Variants in LUC7L observed in about 807,000 individuals in gnomAD.
The protein encoded by LUC7L is LUC7 like, also known as putative RNA-binding protein Luc7-like 1.
Under a neutral mutation model 51.1 loss-of-function variants are expected in LUC7L, and 29 were observed. That is an observed-to-expected ratio of 0.57 (90% confidence interval 0.42 to 0.77). The LOEUF (loss-of-function observed/expected upper bound fraction) is 0.77. Ranked by LOEUF, LUC7L falls within the 30% of genes least tolerant of loss-of-function variation. The pLI is 0.00. For missense variants in LUC7L, 403 were observed against 511.9 expected, an observed-to-expected ratio of 0.79 and a Z score of 2.05; for synonymous variants, 181 against 180.7, an observed-to-expected ratio of 1.00 and a Z score of -0.01.
rs561380369 is a variant in LUC7L, at chr16:207,679, G to A, written c.366+399C>T. The stretch of plus-strand genomic sequence containing the variant: ...ATCCTTAACTGGAGTAAGGCAGAGA[G>A]TACTGTCCACACAATCAGTGCTGAG... On this transcript the variant is annotated intron_variant, in intron 4 of 9. Transcript: ENST00000293872. 2.6e-5 allele frequency among the ~76,000 whole-genome samples: 4 copies of A among 152,326 alleles called. No individual in the cohort carries two copies. In the South Asian group the frequency reaches 8.3e-4, roughly 32 times the overall value.
chr16:194,483 A>T (rs2049098909), intron 6 of LUC7L, among the ~76,000 whole-genome samples: 2 of 152,202 alleles, frequency 1.3e-5, no homozygotes, highest in Non-Finnish European at 2.9e-5. Context: ...AATTGATCAC[A>T]TTGTTTCAAA....
chr16:193,225 T>C (rs1338392097), intron 6 of LUC7L, among the ~76,000 whole-genome samples: 176 of 151,818 alleles, frequency 1.2e-3, no homozygotes, highest in African/African-American at 4.1e-3. Flanking sequence ...CTCGGCTCAC[T>C]GCAACTTCCA....
At chr16:201,943 C>T (rs2049345415) in intron 5 of LUC7L, among the ~76,000 whole-genome samples, 1 of 151,892 alleles carries the variant, frequency 6.6e-6, no homozygotes, top group African/African-American at 2.4e-5. Flanking sequence ...GGGGTTTCAC[C>T]AAGTTGGCCA....
At chr16:192,113 C>T (rs573860224) in intron 7 of LUC7L, among the ~76,000 whole-genome samples, 3 of 152,196 alleles carry the variant, frequency 2.0e-5, no homozygotes, top group Admixed American at 6.6e-5. Context: ...GCAGCAACTC[C>T]GGGCCAGAAA....
At chr16:193,583 G>C (rs2049070428) in intron 6 of LUC7L, among the ~76,000 whole-genome samples, 1 of 151,854 alleles carries the variant, frequency 6.6e-6, no homozygotes, top group African/African-American at 2.4e-5. Flanking sequence ...TGAAGCCTCT[G>C]CCTCCTGGGT....
At chr16:189,799 A>C in intron 9 of LUC7L, 169 bp downstream of exon 9, 1 of 1,429,538 alleles carries the variant, frequency 7.0e-7, no homozygotes, top group Non-Finnish European at 9.1e-7. Flanking sequence ...GAGCTCCTCC[A>C]CAGCCCTCTC....
chr16:202,500 G>A (rs1046567611), intron 5 of LUC7L, among the ~76,000 whole-genome samples: 8 of 151,986 alleles, frequency 5.3e-5, no homozygotes, highest in South Asian at 2.1e-4. Context: ...CTATGTTTAC[G>A]TACACAAATA....
Position 206,079 on chromosome 16 carries a change from A to G in LUC7L, c.435T>C (p.Ala145=). The change falls in exon 5 of 10, where the codon GCT becomes GCC. Residue 145 remains alanine, a synonymous_variant. Transcript: ENST00000293872. ...TCTGGGATTCATCCACATTACCTTC[A>G]GCCCCTAGCTGTTCGGCTTTAGCAA... ...KLLAKAEQLG[A]EGNVDESQKI... is the part of the protein sequence containing the mutation. 1 of 1,613,710 alleles carries G rather than the reference A, an allele frequency of 6.2e-7. No homozygotes were observed. The highest frequency in any genetic ancestry group is 8.5e-7 in the Non-Finnish European group (1 of 1,179,898).
chr16:203,228 A>G (rs1048044455), intron 5 of LUC7L, among the ~76,000 whole-genome samples: 3 of 152,208 alleles, frequency 2.0e-5, no homozygotes, highest in Non-Finnish European at 2.9e-5. Context: ...ATGAATCTGT[A>G]TATTAATAAC....
rs139114236 is a variant in LUC7L at position 189,662 on chromosome 16, AAC to A, written c.974+304_974+305del. 6.8e-4 allele frequency: 900 copies of A among 1,324,000 alleles called. 13 individuals carry two copies. In the East Asian group the frequency reaches 0.024, roughly 35 times the overall value. The allele number at this position is 1,324,000 out of a possible 1,614,324, so 82.0% of individuals were successfully genotyped here. On this transcript the variant is annotated intron_variant, in intron 9 of 9. Coordinates refer to ENST00000293872, the MANE Select transcript of LUC7L (RefSeq NM_201412.3). ...AAAAAATATCAAAAACAAAAACCAA[AAC>A]AGAGGTAAGCAGGGCCTGGTCAGGA...
In LUC7L at chr16:206,744, G is replaced by A. The variant is rs373170872; in HGVS notation, c.367-597C>T. Among the ~76,000 whole-genome samples, 31 of 152,078 alleles carry A rather than the reference G, an allele frequency of 2.0e-4. No individual in the cohort carries two copies. In the East Asian group the frequency reaches 2.9e-3, roughly 14 times the overall value. On this transcript the variant is annotated intron_variant, in intron 4 of 9. Transcript: ENST00000293872. ...CCTTACCAATTCTTTCCAGTTTTAT[G>A]TGGAGATATTAAAGTTTAAAACAAC...
chr16:221,875 A>G (rs2049979287), intron 2 of LUC7L, among the ~76,000 whole-genome samples: 1 of 152,160 alleles, frequency 6.6e-6, no homozygotes, highest in South Asian at 2.1e-4. Flanking sequence ...TCACAACCTA[A>G]CACTTGGCTT....
chr16:195,057 C>T (rs1420574776), intron 6 of LUC7L, among the ~76,000 whole-genome samples: 1 of 152,176 alleles, frequency 6.6e-6, no homozygotes, highest in East Asian at 1.9e-4. Flanking sequence ...GTATCTCCAG[C>T]TCTAAACTTT....
intron 6 of LUC7L, 71 bp downstream of exon 6, chr16:198,991 T>A (rs1038899101): frequency 3.7e-5 from 54 of 1,456,826 alleles, no homozygotes; most frequent in Admixed American, 2.0e-4. Context: ...AAACATAAGG[T>A]TTTTAAAAAT....
intron 1 of LUC7L, 93 bp downstream of exon 1, chr16:229,186 G>T: frequency 6.7e-7 from 1 of 1,493,188 alleles, no homozygotes; most frequent in Non-Finnish European, 8.9e-7. Flanking sequence ...CGCAGGCGCA[G>T]GCGCAGACGA....
rs369535376 is a variant in LUC7L at position 224,620 on chromosome 16, A to T, written c.156+2622T>A. ...AGAGGTGGGTGGATCACCTGAAGTC[A>T]GGAGTTTGAGACCAGCCTGGCCAAC... On this transcript the variant is annotated intron_variant, in intron 2 of 9. Coordinates refer to ENST00000293872, the MANE Select transcript of LUC7L (RefSeq NM_201412.3). Among the ~76,000 whole-genome samples the T allele has an allele frequency of 2.4e-4, 36 of 151,942 alleles. No individual in the cohort carries two copies. In the East Asian group the frequency reaches 2.9e-3, roughly 12 times the overall value.
intron 2 of LUC7L, among the ~76,000 whole-genome samples, chr16:225,342 C>T (rs866487057): frequency 2.0e-5 from 3 of 151,814 alleles, no homozygotes; most frequent in Middle Eastern, 6.8e-3. Context: ...AAAAGTTAGC[C>T]GGGCGAGGTG....
At chr16:222,440 C>A (rs1205055886) in intron 2 of LUC7L, among the ~76,000 whole-genome samples, 1 of 151,686 alleles carries the variant, frequency 6.6e-6, no homozygotes, top group Non-Finnish European at 1.5e-5. Context: ...GAGTTTGAGA[C>A]CAGCCTGGGC....
chr16:193,176 G>T (rs537110414), intron 6 of LUC7L, among the ~76,000 whole-genome samples, 161 bp from the exon 7 acceptor site: 35 of 152,094 alleles, frequency 2.3e-4, no homozygotes, highest in Admixed American at 8.5e-4. Flanking sequence ...CTTTGAAACG[G>T]TGTCTCACTG....
Sources: allele counts gnomAD v4.1 joint callset (sites outside exome capture counted in the v4.1 genomes callset), GRCh38; gene constraint gnomAD v4.1.1; transcripts MANE v1.5; gene names NCBI Gene and HGNC (gene_info 2026-07-23, HGNC 2026-07-21).